CC2D2A: variants seen among roughly 807,000 people sequenced by gnomAD.
CC2D2A encodes the protein coiled-coil and C2 domain containing 2A, also known as coiled-coil and C2 domain-containing protein 2A.
A neutral mutation model predicts 212.9 loss-of-function variants in CC2D2A; 155 were observed. That is an observed-to-expected ratio of 0.73 (90% CI 0.64 to 0.83). The LOEUF (loss-of-function observed/expected upper bound fraction) is 0.83, where lower values mean the gene tolerates loss of function less well. Among genes scored for constraint, CC2D2A ranks in the 40% least tolerant of loss-of-function variants. CC2D2A has a pLI of 0.00. For synonymous variants in CC2D2A, 667 were observed against 686.5 expected (o/e 0.97, Z 0.44); for missense variants, 1,856 against 1,956.2 (o/e 0.95, Z 0.97).
intron 6 of CC2D2A, among the ~76,000 whole-genome samples, chr4:15,507,417 T>C (rs1241690825): frequency 1.3e-5 from 2 of 152,298 alleles, no homozygotes; most frequent in East Asian, 1.9e-4. Context: ...TAAGTGAAAT[T>C]TGACAGCACC....
At chr4:15,575,993 T>A (rs1720389062) in intron 29 of CC2D2A, among the ~76,000 whole-genome samples, 2 of 152,328 alleles carry the variant, frequency 1.3e-5, no homozygotes, top group Non-Finnish European at 1.5e-5. Context: ...CCCTGACTTC[T>A]TACTGCAGGA....
At chr4:15,569,054 T>A (rs1720032971) in intron 26 of CC2D2A, among the ~76,000 whole-genome samples, 1 of 152,190 alleles carries the variant, frequency 6.6e-6, no homozygotes, top group African/African-American at 2.4e-5. Flanking sequence ...AATATGAGAC[T>A]CACCAGGACA....
At chr4:15,531,114 C>A (rs1717825692) in intron 13 of CC2D2A, among the ~76,000 whole-genome samples, 1 of 152,176 alleles carries the variant, frequency 6.6e-6, no homozygotes, top group East Asian at 1.9e-4. Flanking sequence ...AACAGCCAAA[C>A]ACCAGGAAAA....
Position 15,469,930 on chromosome 4 carries a change from G to C in CC2D2A, c.-146G>C, listed in dbSNP as rs898447321. On this transcript the variant is annotated 5_prime_UTR_variant, in exon 1 of 37. Coordinates refer to ENST00000424120, the MANE Select transcript of CC2D2A (RefSeq NM_001378615.1). Reference sequence around the variant, plus strand: ...CATGGCTGCAGCTTCCCAGGGAGGAGCCCAGGGGCATCTCCAACACTCAGC... The same window carrying C: ...CATGGCTGCAGCTTCCCAGGGAGGACCCCAGGGGCATCTCCAACACTCAGC... 2 of 152,064 alleles carry C rather than the reference G, an allele frequency of 1.3e-5. No homozygotes were observed. Among genetic ancestry groups the C allele is most frequent in the African/African-American group, 4.8e-5 (2 of 41,388 alleles). 9.4% of individuals were successfully genotyped at this position (152,064 alleles called of 1,614,324 possible).
intron 8 of CC2D2A, 81 bp downstream of exon 8, chr4:15,511,504 G>T: frequency 7.6e-7 from 1 of 1,323,134 alleles, no homozygotes; most frequent in Non-Finnish European, 9.9e-7. Flanking sequence ...AAAGAAAGTG[G>T]CTGAGGAGAA....
intron 22 of CC2D2A, 127 bp from the exon 23 acceptor site, chr4:15,560,403 GA>G (rs1273903626): frequency 1.8e-6 from 1 of 567,274 alleles, no homozygotes; most frequent in Non-Finnish European, 3.2e-6. Context: ...CATTGCAGAG[GA>G]AAGTAACAGT....
At chr4:15,475,770 T>G in intron 1 of CC2D2A, 145 bp from the exon 2 acceptor site, 1 of 655,326 alleles carries the variant, frequency 1.5e-6, no homozygotes, top group Admixed American at 2.3e-5. Flanking sequence ...AATCCTGGGG[T>G]CTGCCAGGGT....
chr4:15,517,951 C>A (rs144652858), intron 11 of CC2D2A, among the ~76,000 whole-genome samples: 1,575 of 152,276 alleles, frequency 0.01, 32 homozygotes, highest in African/African-American at 0.036. Context: ...AACTCATTCA[C>A]TATCATGAGA....
At chr4:15,528,984 C>T (rs1717669341) in intron 13 of CC2D2A, among the ~76,000 whole-genome samples, 2 of 152,228 alleles carry the variant, frequency 1.3e-5, no homozygotes, top group African/African-American at 4.8e-5. Flanking sequence ...TTGGCCCCAA[C>T]TCATAGAATG....
intron 23 of CC2D2A, 50 bp from the exon 24 acceptor site, chr4:15,563,305 T>C (rs1405923970): frequency 2.0e-6 from 3 of 1,517,990 alleles, no homozygotes; most frequent in Non-Finnish European, 2.7e-6. Context: ...CTCACAATTT[T>C]GCAGACCTTT....
At chr4:15,490,038 C>T (rs1413938954) in intron 4 of CC2D2A, among the ~76,000 whole-genome samples, 1 of 152,178 alleles carries the variant, frequency 6.6e-6, no homozygotes, top group African/African-American at 2.4e-5. Context: ...TGACCAGTTC[C>T]AAATTTTTAT....
chr4:15,543,051 G>A (rs1718541855), intron 17 of CC2D2A, among the ~76,000 whole-genome samples: 1 of 152,158 alleles, frequency 6.6e-6, no homozygotes, highest in Non-Finnish European at 1.5e-5. Flanking sequence ...AACCGCCTTG[G>A]CTTAGAATTC....
intron 4 of CC2D2A, among the ~76,000 whole-genome samples, chr4:15,495,369 A>G (rs1715556399): frequency 6.6e-6 from 1 of 152,152 alleles, no homozygotes; most frequent in East Asian, 1.9e-4. Flanking sequence ...TCGGCCTCTC[A>G]AAGTGCTAGG....
At position 15,578,788 on chromosome 4, in the gene CC2D2A, G is replaced by A. The variant is rs147409358; in HGVS notation, c.3772-1180G>A. Reference sequence around the variant, plus strand: ...CTACAAGCACGCATCACTACACCTGGTTTGTTTGTTTGTTTGTTTGTTTGT... The same window carrying A: ...CTACAAGCACGCATCACTACACCTGATTTGTTTGTTTGTTTGTTTGTTTGT... On this transcript the variant is annotated intron_variant, in intron 29 of 36. Transcript: ENST00000424120. Among the ~76,000 whole-genome samples the A allele has an allele frequency of 4.8e-3, 499 of 104,484 alleles. 1 individual carries two copies. Among genetic ancestry groups the A allele is most frequent in the Non-Finnish European group, 7.6e-3 (355 of 46,764 alleles). The allele number at this position is 104,484 out of a possible 152,430, so 68.5% of individuals were successfully genotyped here. A position where few individuals can be genotyped will look rare whatever the true frequency, so the allele number is the denominator to read the frequency against.
intron 4 of CC2D2A, among the ~76,000 whole-genome samples, chr4:15,487,760 T>C (rs1715075783): frequency 6.7e-6 from 1 of 150,232 alleles, no homozygotes; most frequent in South Asian, 2.1e-4. Flanking sequence ...TCTTAGTGTA[T>C]AAGTGATTTT....
intron 13 of CC2D2A, 135 bp from the exon 14 acceptor site, chr4:15,533,058 G>A (rs1717931634): frequency 1.6e-6 from 1 of 628,368 alleles, no homozygotes; most frequent in Non-Finnish European, 2.6e-6. Flanking sequence ...ATTCACATTT[G>A]TATTTAGTTT....
intron 32 of CC2D2A, 74 bp downstream of exon 32, chr4:15,588,003 AGG>A: frequency 2.6e-6 from 2 of 784,306 alleles, no homozygotes; most frequent in Non-Finnish European, 4.1e-6. Context: ...GATCACACAC[AGG>A]ACATATTTTC....
chr4:15,537,398 T>C (rs374886756), intron 15 of CC2D2A, among the ~76,000 whole-genome samples: 25 of 152,230 alleles, frequency 1.6e-4, no homozygotes, highest in East Asian at 5.8e-4. Flanking sequence ...GTATCTTACA[T>C]GCATTATTCC....
In CC2D2A at chr4:15,553,206, T is replaced by G. The variant is rs367560550; in HGVS notation, c.2387T>G (p.Met796Arg). 1.4e-5 allele frequency: 23 copies of G among 1,610,124 alleles called. No homozygotes were observed. The African/African-American group carries it at 2.0e-4, about 14-fold the overall frequency. The change falls in exon 19 of 37, where the codon ATG becomes AGG. Residue 796 changes from methionine to arginine, a missense_variant. Physicochemically the swap from Met to Arg is moderately conservative, Grantham distance 91. Coordinates refer to ENST00000424120, the MANE Select transcript of CC2D2A (RefSeq NM_001378615.1). The part of the protein sequence containing the change: ...EADGSNQLTL[M>R]TSGKVSHSVA... Reference sequence around the variant, plus strand: ...GATGGCAGTAACCAGCTGACTCTGATGACCTCAGGGAAAGTGTCTCATAGT... The same window carrying G: ...GATGGCAGTAACCAGCTGACTCTGAGGACCTCAGGGAAAGTGTCTCATAGT...
Sources: allele counts gnomAD v4.1 joint callset (sites outside exome capture counted in the v4.1 genomes callset), GRCh38; gene constraint gnomAD v4.1.1; transcripts MANE v1.5; gene names NCBI Gene and HGNC (gene_info 2026-07-23, HGNC 2026-07-21).